ECM1: variants seen among roughly 807,000 people sequenced by gnomAD.
The protein encoded by ECM1 is secretory component p85.
Under a neutral mutation model 57.9 loss-of-function variants are expected in ECM1, and 54 were observed. That is an observed-to-expected ratio of 0.93 (90% CI 0.75 to 1.17). ECM1 has a LOEUF of 1.17. Among genes scored for constraint, ECM1 ranks in the 50% most tolerant of loss-of-function variants. ECM1 has a pLI of 0.00. For missense variants in ECM1, 649 were observed against 688.1 expected, an observed-to-expected ratio of 0.94 and a Z score of 0.64; for synonymous variants, 237 against 259.1, an observed-to-expected ratio of 0.91 and a Z score of 0.82.
chr1:150,513,491 C>G lies in ECM1; in HGVS notation c.*24C>G. ...GAGTCACCCCAGAGCCCTAGAGGGT[C>G]AGATGGGGGGAACCCCACCCTGCCC... is the stretch of plus-strand genomic sequence containing the variant. On this transcript the variant is annotated 3_prime_UTR_variant, in exon 10 of 10. Coordinates refer to ENST00000369047, the MANE Select transcript of ECM1 (RefSeq NM_004425.4). The G allele has an allele frequency of 6.2e-7, 1 of 1,602,892 alleles. No individual in the cohort carries two copies. The highest frequency in any genetic ancestry group is 8.5e-7 in the Non-Finnish European group (1 of 1,173,990).
chr1:150,511,034 C>T lies in ECM1; in HGVS notation c.544C>T (p.Leu182Phe), dbSNP rs781542514. 9 of 1,614,154 alleles carry T rather than the reference C, an allele frequency of 5.6e-6. No individual in the cohort carries two copies. In the South Asian group the frequency reaches 7.7e-5, roughly 14 times the overall value. Residue 182 changes from leucine (L) to phenylalanine (F), a missense_variant, in exon 6 of 10, where the codon CTT (leucine) becomes TTT (phenylalanine). By Grantham distance (22) the Leu-to-Phe change is conservative. Transcript: ENST00000369047. ...TCCAGACAATCTGAACCAAATCTGC[C>T]TTCCTAACCGTCAGCATGTGGTATA... is the stretch of plus-strand genomic sequence containing the variant. ...PSPDNLNQIC[L>F]PNRQHVVYGP...
In ECM1 at chr1:150,513,622, C is replaced by T. The variant is rs992539050; in HGVS notation, c.*155C>T. The T allele has an allele frequency of 2.9e-5, 21 of 727,126 alleles. No individual in the cohort carries two copies. The African/African-American group carries it at 3.4e-4, about 12-fold the overall frequency. 45.0% of individuals were successfully genotyped at this position (727,126 alleles called of 1,614,324 possible). ...TTTTAAGTGGATCTTGGTGCCCTGG[C>T]CCAGGAGGGCACTGGCGTTTTCAGA... On this transcript the variant is annotated 3_prime_UTR_variant, in exon 10 of 10. Transcript: ENST00000369047.
rs1373200239 is a variant in ECM1 at position 150,510,121 on chromosome 1, G to T, written c.324G>T (p.Gln108His). 8.7e-6 allele frequency: 14 copies of T among 1,613,954 alleles called. No homozygotes were observed. The highest frequency in any genetic ancestry group is 1.3e-5 in the African/African-American group (1 of 74,902). The change falls in exon 5 of 10, where the codon CAG becomes CAT. Residue 108 changes from glutamine (Q) to histidine (H), a missense_variant. Coordinates refer to ENST00000369047, the MANE Select transcript of ECM1 (RefSeq NM_004425.4). ...AEKEVGPPLP[Q>H]EAVPLQKELP... ...TTGCAGTGGGTCCCCCTCTCCCTCAGGAAGCTGTCCCCCTCCAAAAAGAGC... is the reference window on the plus strand; with the variant it reads ...TTGCAGTGGGTCCCCCTCTCCCTCATGAAGCTGTCCCCCTCCAAAAAGAGC...
At position 150,511,559 on chromosome 1, in the gene ECM1, C is replaced by T. The variant is rs745425966; in HGVS notation, c.811C>T (p.Gln271Ter). 2 of 1,614,176 alleles carry T rather than the reference C, an allele frequency of 1.2e-6. No individual in the cohort carries two copies. Among genetic ancestry groups the T allele is most frequent in the Middle Eastern group, 1.6e-4 (1 of 6,062 alleles). The change falls in exon 7 of 10, where the codon CAG becomes TAG. Residue 271 changes from glutamine (Q) to a stop codon, truncating the protein, a stop_gained. Coordinates refer to ENST00000369047, the MANE Select transcript of ECM1 (RefSeq NM_004425.4). LOFTEE classifies it high-confidence loss of function. ...GGGGGAGGCTCGGTTCTCCTGCTTCCAGGAGGAAGCTCCCCAGCCACACTA... is the reference window on the plus strand; with the variant it reads ...GGGGGAGGCTCGGTTCTCCTGCTTCTAGGAGGAAGCTCCCCAGCCACACTA... ...RQGEARFSCF[Q>*]EEAPQPHYQL...
intron 4 of ECM1, 46 bp from the exon 5 acceptor site, chr1:150,510,056 A>G: frequency 6.2e-7 from 1 of 1,613,804 alleles, no homozygotes; most frequent in South Asian, 1.1e-5. Context: ...TCCTGTTGAC[A>G]CCAGGCTGAT....
At position 150,513,759 on chromosome 1, in the gene ECM1, GA is replaced by G. The variant is rs1221079764; in HGVS notation, c.*293del. 2.9e-6 allele frequency: 1 copy of G among 346,532 alleles called. No individual in the cohort carries two copies. Among genetic ancestry groups the G allele is most frequent in the African/African-American group, 2.0e-5 (1 of 48,870 alleles). The allele number at this position is 346,532 out of a possible 1,614,324, so 21.5% of individuals were successfully genotyped here. On this transcript the variant is annotated 3_prime_UTR_variant, in exon 10 of 10. Coordinates refer to ENST00000369047, the MANE Select transcript of ECM1 (RefSeq NM_004425.4). Reference sequence around the variant, plus strand: ...CTGAGCAGATGTTCACAGGCTGTGGGATGCGACCATAACTAAACAGCTTGAC... The same window carrying G: ...CTGAGCAGATGTTCACAGGCTGTGGGTGCGACCATAACTAAACAGCTTGAC...
chr1:150,510,816 C>T, intron 5 of ECM1, 60 bp from the exon 6 acceptor site: 4 of 1,557,274 alleles, frequency 2.6e-6, no homozygotes, highest in African/African-American at 1.3e-5. Context: ...CCTCCCAGCT[C>T]ATCCAGCCTT....
Position 150,510,948 on chromosome 1 carries a change from A to G in ECM1, c.458A>G (p.Gln153Arg). Residue 153 changes from glutamine (Q) to arginine (R), a missense_variant, in exon 6 of 10, where the codon CAG (glutamine) becomes CGG (arginine). Physicochemically the swap from Gln to Arg is conservative, Grantham distance 43. Coordinates refer to ENST00000369047, the MANE Select transcript of ECM1 (RefSeq NM_004425.4). Reference sequence around the variant, plus strand: ...TGGAATGCAGCCCAGCACTGCCAACAGGACCGGTCCCAAGGGGGCTGGGGC... The same window carrying G: ...TGGAATGCAGCCCAGCACTGCCAACGGGACCGGTCCCAAGGGGGCTGGGGC... ...ESWNAAQHCQQDRSQGGWGHR... is the reference protein window; with the variant it reads ...ESWNAAQHCQRDRSQGGWGHR... 3 of 1,614,174 alleles carry G rather than the reference A, an allele frequency of 1.9e-6. No individual in the cohort carries two copies. The highest frequency in any genetic ancestry group is 2.5e-6 in the Non-Finnish European group (3 of 1,180,040).
intron 9 of ECM1, 83 bp from the exon 10 acceptor site, chr1:150,513,154 G>A: frequency 7.0e-7 from 1 of 1,424,250 alleles, no homozygotes. Flanking sequence ...TGATGAAAGG[G>A]GGACTTTGGC....
rs951560097 is a variant in ECM1, at chr1:150,511,564, G to A, written c.816G>A (p.Glu272=). 5.1e-5 allele frequency: 83 copies of A among 1,614,060 alleles called. No homozygotes were observed. Among genetic ancestry groups the A allele is most frequent in the Middle Eastern group, 3.3e-4 (2 of 6,084 alleles). Residue 272 remains glutamate (E), a synonymous_variant, in exon 7 of 10, where the codon GAG becomes GAA. Transcript: ENST00000369047. ...QGEARFSCFQ[E]EAPQPHYQLR... ...AGGCTCGGTTCTCCTGCTTCCAGGA[G>A]GAAGCTCCCCAGCCACACTACCAGC...
At position 150,512,776 on chromosome 1, in the gene ECM1, G is replaced by C. The variant is rs771053877; in HGVS notation, c.1356G>C (p.Leu452=). The C allele has an allele frequency of 3.5e-5, 57 of 1,614,122 alleles. No homozygotes were observed. In the East Asian group the frequency reaches 1.2e-3, roughly 35 times the overall value. ...ACATGACTGCCCGCTGCTGTGACCT[G>C]CCATTTCCAGAACAGGCCTGCTGTG... ...IHNMTARCCD[L]PFPEQACCAE... is the part of the protein sequence containing the mutation. Residue 452 remains leucine, a synonymous_variant, in exon 9 of 10, where the codon CTG becomes CTC. Transcript: ENST00000369047.
intron 9 of ECM1, 124 bp downstream of exon 9, chr1:150,512,936 A>C (rs1670483545): frequency 8.8e-7 from 1 of 1,140,704 alleles, no homozygotes; most frequent in Admixed American, 1.9e-5. Context: ...CTAGTGGGGG[A>C]GGTGTTTTTT....
chr1:150,509,648 C>T lies in ECM1; in HGVS notation c.122-13C>T. The T allele has an allele frequency of 6.2e-7, 1 of 1,613,790 alleles. No individual in the cohort carries two copies. Among genetic ancestry groups the T allele is most frequent in the Non-Finnish European group, 8.5e-7 (1 of 1,179,758 alleles). ...GGCACTGTGGGCTCTGATGTCTCCC[C>T]TCTTGCTTCTAGTTGGCTACGCAGC... On this transcript the variant is annotated splice_polypyrimidine_tract_variant and intron_variant, in intron 2 of 9. Coordinates refer to ENST00000369047, the MANE Select transcript of ECM1 (RefSeq NM_004425.4).
At chr1:150,512,652 T>C in intron 8 of ECM1, 73 bp from the exon 9 acceptor site, 1 of 1,610,834 alleles carries the variant, frequency 6.2e-7, no homozygotes, top group Non-Finnish European at 8.5e-7. Context: ...AGCAAAATCA[T>C]GATATCCCAA....
Position 150,508,407 on chromosome 1 carries a change from CCAAAGTGGG to C in ECM1, c.70+130_70+138del, listed in dbSNP as rs1210578733. 5.8e-5 allele frequency: 54 copies of C among 932,742 alleles called. No individual in the cohort carries two copies. The East Asian group carries it at 1.3e-3, about 22-fold the overall frequency. 57.8% of individuals were successfully genotyped at this position (932,742 alleles called of 1,614,324 possible). On this transcript the variant is annotated intron_variant, in intron 1 of 9. Coordinates refer to ENST00000369047, the MANE Select transcript of ECM1 (RefSeq NM_004425.4). ...TTTGGCTTTCCTTTTCTGAGCAGGC[CCAAAGTGGG>C]CCTAGGCCAGTGGAGCCTTTAACCA...
At chr1:150,510,038 A>T (rs754551576) in intron 4 of ECM1, 36 bp downstream of exon 4, 2 of 1,613,756 alleles carry the variant, frequency 1.2e-6, no homozygotes, top group South Asian at 2.2e-5. Context: ...CCTCTATCCC[A>T]CTATGGATCC....
intron 6 of ECM1, 126 bp downstream of exon 6, chr1:150,511,324 G>A (rs1471919822): frequency 6.3e-7 from 1 of 1,585,500 alleles, no homozygotes; most frequent in Non-Finnish European, 8.6e-7. Context: ...CCTACCCTGG[G>A]CCTCCCCAAT....
chr1:150,509,853 G>C, intron 3 of ECM1, 69 bp from the exon 4 acceptor site: 1 of 1,613,806 alleles, frequency 6.2e-7, no homozygotes, highest in Non-Finnish European at 8.5e-7. Flanking sequence ...GAGGGAAGAG[G>C]CCCTCGCCCC....
intron 9 of ECM1, 89 bp downstream of exon 9, chr1:150,512,901 T>G (rs1379325712): frequency 1.4e-5 from 20 of 1,404,712 alleles, no homozygotes; most frequent in Non-Finnish European, 9.1e-6. Context: ...CTTTAGTACC[T>G]CAAACCAGCC....
Sources: allele counts gnomAD v4.1 joint callset, GRCh38; gene constraint gnomAD v4.1.1; transcripts MANE v1.5; gene names NCBI Gene and HGNC (gene_info 2026-07-23, HGNC 2026-07-21).